Variants in PCDHGA4 observed in about 807,000 individuals in gnomAD.
PCDHGA4 encodes protocadherin gamma subfamily A, 4, also known as protocadherin gamma-A4.
Under a neutral mutation model 54.6 loss-of-function variants are expected in PCDHGA4, and 38 were observed. The ratio of observed to expected loss-of-function variants is 0.70; its 90% confidence interval spans 0.54 to 0.91. The LOEUF (loss-of-function observed/expected upper bound fraction) is 0.91, where lower values mean the gene tolerates loss of function less well. PCDHGA4 is among the 40% of genes least tolerant of loss of function. The probability of loss-of-function intolerance (pLI) is 0.00; values close to 1 mark genes in which losing one functional copy is unlikely to be tolerated. For synonymous variants in PCDHGA4, 511 were observed against 512.9 expected (o/e 1.00, Z 0.05); for missense variants, 1,298 against 1,220.9 (o/e 1.06, Z -0.94).
intron 1 of PCDHGA4, among the ~76,000 whole-genome samples, chr5:141,466,387 A>G (rs1312030857): frequency 1.3e-5 from 2 of 152,108 alleles, no homozygotes; most frequent in Non-Finnish European, 2.9e-5. Flanking sequence ...CATCTAATGG[A>G]AAGTTTGCTC....
At position 141,491,752 on chromosome 5, in the gene PCDHGA4, G is replaced by C. The variant is rs1464731659; in HGVS notation, c.2515-3055G>C. 6 of 1,586,646 alleles carry C rather than the reference G, an allele frequency of 3.8e-6. No homozygotes were observed. The African/African-American group carries it at 8.1e-5, about 21-fold the overall frequency. On this transcript the variant is annotated intron_variant, in intron 1 of 3. Transcript: ENST00000571252. The surrounding 1 kb of genome is among the most constrained non-coding windows in gnomAD (Gnocchi z 6.9). ...GACCCCTGGGGGCGGCACTGGAGAA[G>C]CCGCCCGTCCTCATAAGGGATTGAA...
intron 1 of PCDHGA4, chr5:141,365,876 G>T: frequency 1.2e-6 from 2 of 1,614,122 alleles, no homozygotes; most frequent in Non-Finnish European, 1.7e-6. Context: ...TGTCCTGTAT[G>T]CTCTGAGATC....
rs761731200 is a variant in PCDHGA4, at chr5:141,477,252, T to C, written c.2515-17555T>C. The C allele has an allele frequency of 1.2e-6, 2 of 1,614,182 alleles. No homozygotes were observed. The highest frequency in any genetic ancestry group is 8.5e-7 in the Non-Finnish European group (1 of 1,180,034). ...ATCGCTTTGCTCAGTGTGACTGACCTGGATGCTGGCGAGAACGGGCTGGTG... is the reference window on the plus strand; with the variant it reads ...ATCGCTTTGCTCAGTGTGACTGACCCGGATGCTGGCGAGAACGGGCTGGTG... On this transcript the variant is annotated intron_variant, in intron 1 of 3. Transcript: ENST00000571252. The surrounding 1 kb of genome is among the most constrained non-coding windows in gnomAD (Gnocchi z 4.9).
At chr5:141,400,341 C>T in intron 1 of PCDHGA4, 7 of 1,614,070 alleles carry the variant, frequency 4.3e-6, no homozygotes, top group Non-Finnish European at 5.9e-6. Flanking sequence ...TTCCCCCCAA[C>T]TACAGTCAGG....
At chr5:141,390,271 C>A in intron 1 of PCDHGA4, 1 of 1,614,036 alleles carries the variant, frequency 6.2e-7, no homozygotes, top group Non-Finnish European at 8.5e-7. Context: ...AGTGAATTGA[C>A]TTCCCATCAG....
intron 1 of PCDHGA4, chr5:141,390,040 C>T (rs2092027580): frequency 6.2e-7 from 1 of 1,614,072 alleles, no homozygotes; most frequent in Non-Finnish European, 8.5e-7. Context: ...TCCTCCAGCC[C>T]CGCCTCCTGG....
chr5:141,398,472 C>T (rs2093659150), intron 1 of PCDHGA4: 1 of 1,606,348 alleles, frequency 6.2e-7, no homozygotes, highest in Non-Finnish European at 8.5e-7. Context: ...ATCCACTGAA[C>T]TTTTATCACG....
rs758132181 is a variant in PCDHGA4, at chr5:141,486,827, C to T, written c.2515-7980C>T. On this transcript the variant is annotated intron_variant, in intron 1 of 3. Coordinates refer to ENST00000571252, the MANE Select transcript of PCDHGA4 (RefSeq NM_018917.4). This position sits in a 1 kb window ranked among gnomAD's most constrained non-coding sequence, Gnocchi z 5.0. The stretch of plus-strand genomic sequence containing the variant: ...ACCCCTTAGCAGCACTGTAACAGTT[C>T]GTCTATTTGTGCTGGACCTCAATGA... 10 of 1,614,110 alleles carry T rather than the reference C, an allele frequency of 6.2e-6. No individual in the cohort carries two copies. The African/African-American group carries it at 8.0e-5, about 13-fold the overall frequency.
At chr5:141,509,117 G>A (rs1271574654) in intron 3 of PCDHGA4, among the ~76,000 whole-genome samples, 1 of 152,150 alleles carries the variant, frequency 6.6e-6, no homozygotes, top group Admixed American at 6.5e-5. Flanking sequence ...GCGCTGGTGC[G>A]TGAAGAGAAA....
chr5:141,375,818 C>A, intron 1 of PCDHGA4: 2 of 1,614,200 alleles, frequency 1.2e-6, no homozygotes, highest in Non-Finnish European at 1.7e-6. Flanking sequence ...GGAGCTGGCG[C>A]CCCGCTCCGC....
intron 1 of PCDHGA4, chr5:141,375,467 C>A: frequency 6.2e-7 from 1 of 1,614,008 alleles, no homozygotes; most frequent in Non-Finnish European, 8.5e-7. Flanking sequence ...AGTCTATGTC[C>A]TTGAAAACAA....
At chr5:141,419,808 G>A in intron 1 of PCDHGA4, 2 of 1,614,066 alleles carry the variant, frequency 1.2e-6, no homozygotes, top group Non-Finnish European at 8.5e-7. Flanking sequence ...AGAGATGGAG[G>A]ACAGCCACCC....
rs2233605 is a variant in PCDHGA4 at position 141,490,412 on chromosome 5, C to A, written c.2515-4395C>A. ...GGTGAAGTGAGCCTTGATATCTCTC[C>A]GGACCTGCCATTTCAGATTAAGCCT... On this transcript the variant is annotated intron_variant, in intron 1 of 3. Transcript: ENST00000571252. This position sits in a 1 kb window ranked among gnomAD's most constrained non-coding sequence, Gnocchi z 5.4. 1.3e-4 allele frequency: 203 copies of A among 1,614,064 alleles called. 1 individual carries two copies. The highest frequency in any genetic ancestry group is 3.5e-4 in the South Asian group (32 of 91,086).
intron 1 of PCDHGA4, chr5:141,364,990 G>A (rs1363998069): frequency 1.9e-6 from 3 of 1,613,862 alleles, no homozygotes; most frequent in Admixed American, 1.7e-5. Flanking sequence ...GCGGAGACCC[G>A]GTACTCTCCG....
intron 1 of PCDHGA4, chr5:141,413,063 T>G: frequency 1.8e-6 from 2 of 1,142,610 alleles, no homozygotes; most frequent in East Asian, 5.1e-5. Context: ...CACTCCAGAA[T>G]TTAAAGTGCC....
intron 2 of PCDHGA4, among the ~76,000 whole-genome samples, chr5:141,503,351 C>T (rs1186394919): frequency 6.6e-6 from 1 of 151,994 alleles, no homozygotes; most frequent in Admixed American, 6.6e-5. Context: ...AATTCCAGCA[C>T]TTTGGGAAGC....
At chr5:141,375,607 C>T in intron 1 of PCDHGA4, 1 of 1,614,216 alleles carries the variant, frequency 6.2e-7, no homozygotes, top group East Asian at 2.2e-5. Context: ...TGTCCATCAA[C>T]TCCGACACTG....
At chr5:141,466,898 A>G (rs1029507733) in intron 1 of PCDHGA4, among the ~76,000 whole-genome samples, 1 of 152,170 alleles carries the variant, frequency 6.6e-6, no homozygotes, top group African/African-American at 2.4e-5. Context: ...TTTTCCATGA[A>G]GTTTTTGAAA....
At chr5:141,382,690 G>C in intron 1 of PCDHGA4, 1 of 448,422 alleles carries the variant, frequency 2.2e-6, no homozygotes, top group Non-Finnish European at 3.9e-6. Context: ...AGGGAAAAAT[G>C]GTGCGAGAGA....
Sources: allele counts gnomAD v4.1 joint callset (sites outside exome capture counted in the v4.1 genomes callset), GRCh38; gene constraint gnomAD v4.1.1; non-coding constraint Gnocchi (gnomAD v3.1); transcripts MANE v1.5; gene names NCBI Gene and HGNC (gene_info 2026-07-23, HGNC 2026-07-21).